INVS: variants seen among roughly 807,000 people sequenced by gnomAD.
The protein encoded by INVS is inversin.
INVS carries 86 observed loss-of-function variants against 108.8 expected under a neutral mutation model. The ratio of observed to expected loss-of-function variants is 0.79; its 90% confidence interval spans 0.66 to 0.95. The LOEUF is 0.95. Among genes scored for constraint, INVS ranks in the 40% least tolerant of loss-of-function variants. INVS has a pLI of 0.00. For missense variants in INVS, 1,169 were observed against 1,297.4 expected (o/e 0.90, Z 1.52); for synonymous variants, 455 against 473.5 (o/e 0.96, Z 0.51).
chr9:100,117,053 C>T (rs962991376), intron 2 of INVS: 3 of 1,317,230 alleles, frequency 2.3e-6, no homozygotes, highest in Admixed American at 2.0e-5. Flanking sequence ...AGGGATGAGG[C>T]ACACCAGCAC....
At chr9:100,172,391 T>G (rs1829568266) in intron 3 of INVS, among the ~76,000 whole-genome samples, 2 of 152,208 alleles carry the variant, frequency 1.3e-5, no homozygotes, top group South Asian at 4.1e-4. Context: ...AGAGTCAGAA[T>G]TCGTTCTGGA....
intron 11 of INVS, among the ~76,000 whole-genome samples, chr9:100,270,121 A>G (rs1173281241): frequency 1.3e-5 from 2 of 150,020 alleles, no homozygotes; most frequent in African/African-American, 4.9e-5. Context: ...TTTTACTTCA[A>G]TTTTTTTTTT....
intron 3 of INVS, among the ~76,000 whole-genome samples, chr9:100,219,449 A>G (rs1438887945): frequency 1.3e-5 from 2 of 152,156 alleles, no homozygotes; most frequent in African/African-American, 2.4e-5. Context: ...CTATTAAAAA[A>G]CAAAACAAAA....
intron 11 of INVS, among the ~76,000 whole-genome samples, chr9:100,272,423 T>C (rs572701595): frequency 6.6e-6 from 1 of 152,362 alleles, no homozygotes; most frequent in South Asian, 2.1e-4. Flanking sequence ...GCCATTCTTA[T>C]CATATACTGA....
At position 100,300,593 on chromosome 9, in the gene INVS, C is replaced by A; in HGVS notation, c.3117C>A (p.Leu1039=). The A allele has an allele frequency of 6.2e-7, 1 of 1,613,246 alleles. No individual in the cohort carries two copies. The highest frequency in any genetic ancestry group is 8.5e-7 in the Non-Finnish European group (1 of 1,179,234). ...TGAGCAACCTACAGTGTATACATCT[C>A]CTTGAGAACAGTGGAAGATCAAAGA... ...NSVSNLQCIH[L]LENSGRSKNF... Residue 1039 remains leucine (L), a synonymous_variant, in exon 17 of 17, where the codon CTC becomes CTA. Transcript: ENST00000262457.
chr9:100,152,776 A>G (rs1196078747), intron 3 of INVS, among the ~76,000 whole-genome samples: 1 of 152,182 alleles, frequency 6.6e-6, no homozygotes, highest in East Asian at 1.9e-4. Flanking sequence ...TTTTCAGGCA[A>G]TTTATTAGAC....
intron 5 of INVS, among the ~76,000 whole-genome samples, chr9:100,236,951 G>T (rs1026396083): frequency 6.6e-6 from 1 of 152,212 alleles, no homozygotes; most frequent in African/African-American, 2.4e-5. Flanking sequence ...TGCTGAAGCT[G>T]TGCCCACAGC....
At chr9:100,278,854 C>T (rs1191671973) in intron 12 of INVS, among the ~76,000 whole-genome samples, 18 of 152,144 alleles carry the variant, frequency 1.2e-4, no homozygotes, top group Admixed American at 1.2e-3. Flanking sequence ...TTTCCAACTC[C>T]CTGAATATTG....
intron 2 of INVS, among the ~76,000 whole-genome samples, chr9:100,123,898 T>C (rs1294322800): frequency 1.3e-5 from 2 of 152,142 alleles, no homozygotes; most frequent in African/African-American, 4.8e-5. Context: ...CTCCACCTCC[T>C]GGGTTTAAGT....
intron 3 of INVS, among the ~76,000 whole-genome samples, chr9:100,198,009 T>G (rs915619265): frequency 2.0e-5 from 3 of 152,130 alleles, no homozygotes; most frequent in African/African-American, 7.2e-5. Context: ...TGTAACTAGG[T>G]CTGTGGGAGT....
chr9:100,278,752 A>T (rs1440535155), intron 12 of INVS, among the ~76,000 whole-genome samples: 1 of 152,220 alleles, frequency 6.6e-6, no homozygotes, highest in Non-Finnish European at 1.5e-5. Context: ...GTAAGTGTAG[A>T]ACTTTAACTT....
intron 2 of INVS, chr9:100,117,725 A>G (rs1049959100): frequency 1.7e-6 from 1 of 574,378 alleles, no homozygotes; most frequent in Non-Finnish European, 3.1e-6. Flanking sequence ...GGTAATTTTT[A>G]TATATGGTGC....
In INVS at chr9:100,296,993, C is replaced by T. The variant is rs754625790; in HGVS notation, c.2863C>T (p.Gln955Ter). The T allele has an allele frequency of 6.2e-7, 1 of 1,614,046 alleles. No homozygotes were observed. Among genetic ancestry groups the T allele is most frequent in the South Asian group, 1.1e-5 (1 of 91,070 alleles). The change falls in exon 15 of 17, where the codon CAA becomes TAA. Residue 955 changes from glutamine (Q) to a stop codon, truncating the protein, a stop_gained. Transcript: ENST00000262457. LOFTEE classifies it high-confidence loss of function. ...LGAGDVDRWR[Q>*]ESTALLLQVW... ...AGCTGGAGATGTGGACAGATGGAGG[C>T]AAGAGTCTACAGCATTGCTCCTCCA...
At chr9:100,127,919 A>G (rs991616087) in intron 3 of INVS, among the ~76,000 whole-genome samples, 10 of 152,188 alleles carry the variant, frequency 6.6e-5, no homozygotes, top group Admixed American at 1.3e-4. Context: ...TTAACTTGTT[A>G]TCATAAAAAA....
At chr9:100,227,506 TGAC>T (rs1831367313) in intron 4 of INVS, among the ~76,000 whole-genome samples, 1 of 144,032 alleles carries the variant, frequency 6.9e-6, no homozygotes, top group Non-Finnish European at 1.5e-5. Context: ...AGAATTATGT[TGAC>T]GAGAACAGCA....
Position 100,254,849 on chromosome 9 carries a change from G to A in INVS, c.1464+1713G>A, listed in dbSNP as rs188677504. Among the ~76,000 whole-genome samples the A allele has an allele frequency of 1.6e-4, 24 of 152,256 alleles. No homozygotes were observed. In the South Asian group the frequency reaches 2.7e-3, roughly 17 times the overall value. On this transcript the variant is annotated intron_variant, in intron 10 of 16. Coordinates refer to ENST00000262457, the MANE Select transcript of INVS (RefSeq NM_014425.5). ...ATAGTACAGTTTGAAGTCAGGTAGC[G>A]TGATGCTTCCAGCTTTGTTCTTTTG...
intron 3 of INVS, among the ~76,000 whole-genome samples, chr9:100,189,209 T>C (rs2118144410): frequency 6.6e-6 from 1 of 151,726 alleles, no homozygotes; most frequent in East Asian, 1.9e-4. Flanking sequence ...TTTTATATTG[T>C]TTATGTTTGT....
chr9:100,185,105 C>T (rs1202070544), intron 3 of INVS, among the ~76,000 whole-genome samples: 1 of 152,064 alleles, frequency 6.6e-6, no homozygotes, highest in Non-Finnish European at 1.5e-5. Context: ...TGAGGGCTTA[C>T]ACTTTTTTAT....
chr9:100,206,643 A>C (rs1369104968), intron 3 of INVS, among the ~76,000 whole-genome samples: 1 of 152,126 alleles, frequency 6.6e-6, no homozygotes, highest in Non-Finnish European at 1.5e-5. Flanking sequence ...GCCACAGCTC[A>C]ATTATCACAA....
Sources: gnomAD v4.1 joint callset for allele counts (sites outside exome capture counted in the v4.1 genomes callset) on GRCh38, gnomAD v4.1.1 for gene constraint, MANE v1.5 for transcripts, NCBI Gene and HGNC (gene_info 2026-07-23, HGNC 2026-07-21) for gene names.